Variants in IL1RAPL1 observed in about 807,000 individuals in gnomAD.
IL1RAPL1 encodes interleukin-1 receptor accessory protein-like 1.
IL1RAPL1 carries 3 observed loss-of-function variants against 48.4 expected under a neutral mutation model. The observed-to-expected ratio is 0.06, with a 90% CI of 0.03 to 0.16. The LOEUF (loss-of-function observed/expected upper bound fraction) is 0.16. Among genes scored for constraint, IL1RAPL1 ranks in the 10% least tolerant of loss-of-function variants. IL1RAPL1 has a pLI of 1.00. For missense variants in IL1RAPL1, 349 were observed against 530.6 expected (o/e 0.66, Z 3.36); for synonymous variants, 185 against 187.7 (o/e 0.99, Z 0.12).
intron 6 of IL1RAPL1, among the ~76,000 whole-genome samples, chrX:29,718,576 G>A (rs1015200472): frequency 7.3e-5 from 7 of 95,458 alleles, no homozygotes; most frequent in Admixed American, 2.5e-4. Context: ...TGCATGTTCC[G>A]CACATGTAAC....
At chrX:28,896,479 A>G (rs1231634566) in intron 2 of IL1RAPL1, among the ~76,000 whole-genome samples, 1 of 111,567 alleles carries the variant, frequency 9.0e-6, no homozygotes, top group Non-Finnish European at 1.9e-5. Context: ...GGATAAAGAA[A>G]AAGGAGCATT....
At chrX:29,917,382 A>T in intron 6 of IL1RAPL1, 82 bp from the exon 7 acceptor site, 3 of 863,903 alleles carry the variant, frequency 3.5e-6, no homozygotes, top group Non-Finnish European at 5.0e-6. Context: ...ATGAAAAGTG[A>T]TCAAAATGTT....
At chrX:29,598,277 G>C (rs752778331) in intron 5 of IL1RAPL1, among the ~76,000 whole-genome samples, 1 of 112,190 alleles carries the variant, frequency 8.9e-6, no homozygotes, top group East Asian at 2.8e-4. Context: ...TGATTTCGTT[G>C]TTAACCCAAT....
At chrX:29,147,271 C>T (rs1195522919) in intron 2 of IL1RAPL1, among the ~76,000 whole-genome samples, 1 of 112,116 alleles carries the variant, frequency 8.9e-6, no homozygotes, top group South Asian at 3.7e-4. Flanking sequence ...GCCACATTCC[C>T]ATCTTAATAG....
intron 1 of IL1RAPL1, among the ~76,000 whole-genome samples, chrX:28,667,977 A>G (rs998986348): frequency 8.9e-6 from 1 of 111,851 alleles, no homozygotes; most frequent in Non-Finnish European, 1.9e-5. Context: ...TTAGAGGGAC[A>G]CAAACATTCA....
chrX:29,208,012 C>T (rs189153693), intron 2 of IL1RAPL1, among the ~76,000 whole-genome samples: 65 of 111,663 alleles, frequency 5.8e-4, no homozygotes, highest in Admixed American at 2.7e-3. Flanking sequence ...GCAAGAGAGA[C>T]AATTACTTGC....
chrX:29,521,567 A>G (rs1043160625), intron 5 of IL1RAPL1, among the ~76,000 whole-genome samples: 3 of 112,731 alleles, frequency 2.7e-5, no homozygotes, highest in Admixed American at 9.4e-5. Context: ...AAGCCCTTGC[A>G]CTTCCAGAAT....
At chrX:28,628,959 G>A (rs1313081075) in intron 1 of IL1RAPL1, among the ~76,000 whole-genome samples, 1 of 111,459 alleles carries the variant, frequency 9.0e-6, no homozygotes, top group East Asian at 2.8e-4. Context: ...CTTTTTTAGG[G>A]CTTTGCTAGC....
In IL1RAPL1 at chrX:28,783,267, G is replaced by A. The variant is rs148058618; in HGVS notation, c.-24-6053G>A. On this transcript the variant is annotated intron_variant, in intron 1 of 10. Transcript: ENST00000378993. ...CGGGACAATATTTAAATAAGGCACAGATGCATTTTGGATAAGATTATTTGA... is the reference window on the plus strand; with the variant it reads ...CGGGACAATATTTAAATAAGGCACAAATGCATTTTGGATAAGATTATTTGA... Among the ~76,000 whole-genome samples, 358 of 112,155 alleles carry A rather than the reference G, an allele frequency of 3.2e-3. 3 individuals carry two copies. Among genetic ancestry groups the A allele is most frequent in the African/African-American group, 0.011 (344 of 30,911 alleles).
chrX:29,286,575 G>T (rs1289100241), intron 3 of IL1RAPL1, among the ~76,000 whole-genome samples: 1 of 111,361 alleles, frequency 9.0e-6, no homozygotes, highest in Admixed American at 9.6e-5. Flanking sequence ...TATAGTCCTA[G>T]CTACTCAGGA....
At chrX:28,693,789 A>G (rs1935203107) in intron 1 of IL1RAPL1, among the ~76,000 whole-genome samples, 1 of 111,918 alleles carries the variant, frequency 8.9e-6, no homozygotes, top group African/African-American at 3.2e-5. Flanking sequence ...TTTATTTGTC[A>G]GCAGGGAGCC....
Position 29,956,654 on chromosome X carries a change from T to C in IL1RAPL1, c.*834T>C, listed in dbSNP as rs1475346117. On this transcript the variant is annotated 3_prime_UTR_variant, in exon 11 of 11. Transcript: ENST00000378993. ...TTTTTTAAATGAGTTGATGTACCCT[T>C]ATATATATATACATATATATATAAA... 1 of 98,519 alleles carries C rather than the reference T, an allele frequency of 1.0e-5. No homozygotes were observed. Among genetic ancestry groups the C allele is most frequent in the African/African-American group, 3.7e-5 (1 of 26,864 alleles). 8.1% of individuals were successfully genotyped at this position (98,519 alleles called of 1,213,427 possible).
rs1190852332 is a variant in IL1RAPL1, at chrX:29,782,092, GTCTGTCTGTCTATCTA to G, written c.778+113592_778+113607del. On this transcript the variant is annotated intron_variant, in intron 6 of 10. Coordinates refer to ENST00000378993, the MANE Select transcript of IL1RAPL1 (RefSeq NM_014271.4). The stretch of plus-strand genomic sequence containing the variant: ...TCCATATCTATCTGTCTGTCTGTCT[GTCTGTCTGTCTATCTA>G]TCTATCTATCTATCTATCTATCTAT... Among the ~76,000 whole-genome samples, 328 of 74,241 alleles carry G rather than the reference GTCTGTCTGTCTATCTA, an allele frequency of 4.4e-3. 3 individuals are homozygous for G. The highest frequency in any genetic ancestry group is 0.014 in the African/African-American group (317 of 22,128). 64.5% of individuals were successfully genotyped at this position (74,241 alleles called of 115,157 possible).
At chrX:28,962,447 T>C (rs993608739) in intron 2 of IL1RAPL1, among the ~76,000 whole-genome samples, 1 of 111,569 alleles carries the variant, frequency 9.0e-6, no homozygotes, top group Non-Finnish European at 1.9e-5. Context: ...TTATTAAATT[T>C]TGGCATTTGA....
At chrX:28,949,028 G>GTTATTA (rs907198228) in intron 2 of IL1RAPL1, among the ~76,000 whole-genome samples, 6 of 110,139 alleles carry the variant, frequency 5.4e-5, no homozygotes, top group Non-Finnish European at 1.1e-4. Flanking sequence ...CTATATTATT[G>GTTATTA]TTATTATTAT....
chrX:28,835,064 A>G (rs1189638843), intron 2 of IL1RAPL1, among the ~76,000 whole-genome samples: 1 of 112,072 alleles, frequency 8.9e-6, no homozygotes, highest in Non-Finnish European at 1.9e-5. Flanking sequence ...TATTAGAGGC[A>G]GAAGCCAGTC....
At chrX:29,808,710 C>T (rs1930310237) in intron 6 of IL1RAPL1, among the ~76,000 whole-genome samples, 1 of 111,341 alleles carries the variant, frequency 9.0e-6, no homozygotes, top group African/African-American at 3.3e-5. Flanking sequence ...TACATTTTAA[C>T]ATATATATTA....
At chrX:29,567,267 G>A (rs1271336271) in intron 5 of IL1RAPL1, among the ~76,000 whole-genome samples, 1 of 110,127 alleles carries the variant, frequency 9.1e-6, no homozygotes, top group African/African-American at 3.3e-5. Flanking sequence ...TTAGCAAGGA[G>A]AGATGCCAGA....
intron 5 of IL1RAPL1, among the ~76,000 whole-genome samples, chrX:29,503,254 G>A (rs1935293948): frequency 9.0e-6 from 1 of 111,028 alleles, no homozygotes; most frequent in African/African-American, 3.3e-5. Context: ...TTGTTTTGTC[G>A]ATCTTCTGTA....
Sources: allele counts gnomAD v4.1 joint callset (sites outside exome capture counted in the v4.1 genomes callset), GRCh38; gene constraint gnomAD v4.1.1; transcripts MANE v1.5; gene names NCBI Gene and HGNC (gene_info 2026-07-23, HGNC 2026-07-21).